The following ANKFN1 variants were observed in gnomAD, a reference collection of about 807,000 sequenced individuals.
ANKFN1 encodes the protein ankyrin repeat and fibronectin type-III domain-containing protein 1.
Under a neutral mutation model 108.7 loss-of-function variants are expected in ANKFN1, and 74 were observed. That is an observed-to-expected ratio of 0.68 (90% CI 0.56 to 0.83). The LOEUF (loss-of-function observed/expected upper bound fraction) is 0.83, where lower values mean the gene tolerates loss of function less well. ANKFN1 is among the 40% of genes least tolerant of loss of function. ANKFN1 has a pLI of 0.00. For missense variants in ANKFN1, 1,505 were observed against 1,382.3 expected, an observed-to-expected ratio of 1.09 and a Z score of -1.41; for synonymous variants, 547 against 516.2, an observed-to-expected ratio of 1.06 and a Z score of -0.81.
intron 4 of ANKFN1, among the ~76,000 whole-genome samples, chr17:56,137,565 C>T (rs926543485): frequency 3.9e-5 from 6 of 152,022 alleles, no homozygotes; most frequent in Admixed American, 3.9e-4. Flanking sequence ...GGGATATTGC[C>T]TATCAAGGGT....
At chr17:56,284,561 T>A (rs569690580) in intron 3 of ANKFN1, among the ~76,000 whole-genome samples, 1 of 152,288 alleles carries the variant, frequency 6.6e-6, no homozygotes, top group Non-Finnish European at 1.5e-5. Context: ...AAACAATATG[T>A]GATGGAAACC....
At chr17:56,155,784 T>C (rs575945125) in intron 1 of ANKFN1, among the ~76,000 whole-genome samples, 74 of 152,288 alleles carry the variant, frequency 4.9e-4, no homozygotes, top group African/African-American at 1.7e-3. Context: ...TAGGTCATGA[T>C]AGGGACCAAT....
upstream of ANKFN1, among the ~76,000 whole-genome samples, chr17:56,151,436 G>A (rs1214466375): frequency 4.6e-5 from 7 of 152,164 alleles, no homozygotes; most frequent in African/African-American, 1.7e-4. Flanking sequence ...TTTTTTGGTA[G>A]TAGGTTTTGT....
intron 4 of ANKFN1, among the ~76,000 whole-genome samples, chr17:56,081,391 TG>T (rs553911788): frequency 5.3e-5 from 8 of 152,212 alleles, no homozygotes; most frequent in African/African-American, 1.9e-4. Context: ...CTGACTTTGT[TG>T]CCCAGGCTGG....
At chr17:56,356,525 T>C (rs992161458) in intron 6 of ANKFN1, among the ~76,000 whole-genome samples, 3 of 152,014 alleles carry the variant, frequency 2.0e-5, no homozygotes. Context: ...TATCAGAAAA[T>C]TTCTTACTAT....
At chr17:56,342,219 T>C (rs1352286024) in intron 4 of ANKFN1, among the ~76,000 whole-genome samples, 2 of 127,016 alleles carry the variant, frequency 1.6e-5, no homozygotes, top group African/African-American at 2.7e-5. Context: ...TTCTAGCTAA[T>C]GGTTTATCTT....
intron 8 of ANKFN1, among the ~76,000 whole-genome samples, chr17:56,423,358 T>G (rs1240754167): frequency 1.3e-5 from 2 of 152,190 alleles, no homozygotes; most frequent in African/African-American, 4.8e-5. Flanking sequence ...TGAAACAGTA[T>G]GAGAAGCAGC....
chr17:56,223,156 A>G (rs1598266462), intron 2 of ANKFN1, among the ~76,000 whole-genome samples: 1 of 152,322 alleles, frequency 6.6e-6, no homozygotes, highest in Non-Finnish European at 1.5e-5. Context: ...CATGACATAC[A>G]TATCTATGGA....
At chr17:56,126,267 G>C (rs1906921464) in intron 4 of ANKFN1, among the ~76,000 whole-genome samples, 1 of 148,370 alleles carries the variant, frequency 6.7e-6, no homozygotes, top group Non-Finnish European at 1.5e-5. Flanking sequence ...GAGATTTTTG[G>C]TCATTGAACA....
intron 20 of ANKFN1, among the ~76,000 whole-genome samples, chr17:56,499,921 G>C (rs1465747502): frequency 3.3e-5 from 5 of 152,148 alleles, no homozygotes; most frequent in Middle Eastern, 3.2e-3. Flanking sequence ...GTTTGCAAGA[G>C]CTCCAATTTT....
intron 3 of ANKFN1, among the ~76,000 whole-genome samples, chr17:56,311,786 G>C (rs2045034543): frequency 6.6e-6 from 1 of 152,172 alleles, no homozygotes; most frequent in African/African-American, 2.4e-5. Flanking sequence ...TTTGTATTTA[G>C]ACTTGGGTGA....
chr17:56,287,625 GATA>G (rs2055383649), intron 3 of ANKFN1, among the ~76,000 whole-genome samples: 1 of 152,144 alleles, frequency 6.6e-6, no homozygotes, highest in Admixed American at 6.6e-5. Context: ...ACAAACAAAA[GATA>G]TTCTGCATCT....
In ANKFN1 at chr17:56,428,619, C is replaced by T. The variant is rs570431104; in HGVS notation, c.911-11708C>T. Among the ~76,000 whole-genome samples, 41 of 152,114 alleles carry T rather than the reference C, an allele frequency of 2.7e-4. 1 individual carries two copies. The South Asian group carries it at 6.2e-3, about 23-fold the overall frequency. On this transcript the variant is annotated intron_variant, in intron 8 of 20. Coordinates refer to ENST00000682825, the MANE Select transcript of ANKFN1 (RefSeq NM_001370326.1). Reference sequence around the variant, plus strand: ...CTGAGACTACAGGTGCCTGCCACCACGCTTGGCTAATTTTTGTATTTTTAG... The same window carrying T: ...CTGAGACTACAGGTGCCTGCCACCATGCTTGGCTAATTTTTGTATTTTTAG...
intron 15 of ANKFN1, among the ~76,000 whole-genome samples, chr17:56,467,804 A>AAG (rs1491238122): frequency 7.7e-5 from 2 of 25,924 alleles, no homozygotes; most frequent in African/African-American, 3.7e-4. Flanking sequence ...GAAAGAAAGA[A>AAG]AGAAAGAAAG....
chr17:56,479,442 T>G (rs11653462), intron 16 of ANKFN1, among the ~76,000 whole-genome samples: 101,180 of 152,120 alleles, frequency 0.67, 35,329 homozygotes, highest in East Asian at 0.97. Flanking sequence ...GGTTCTCAAA[T>G]ATTTCAATTA....
intron 3 of ANKFN1, among the ~76,000 whole-genome samples, chr17:56,270,980 A>C (rs531321137): frequency 2.0e-5 from 3 of 151,942 alleles, no homozygotes; most frequent in Non-Finnish European, 2.9e-5. Context: ...AAATTATTTT[A>C]ATTGTGCCAT....
Position 56,205,579 on chromosome 17 carries a change from T to G in ANKFN1, c.-70-7019T>G, listed in dbSNP as rs1345452088. ...TTTGAATTCATTTGACAATGTGTAT[T>G]TTTGGCAGTGTGTTTATATTCCTCA... On this transcript the variant is annotated intron_variant, in intron 1 of 20. Transcript: ENST00000682825. Among the ~76,000 whole-genome samples the G allele has an allele frequency of 2.0e-5, 3 of 152,326 alleles. No homozygotes were observed. In the East Asian group the frequency reaches 5.8e-4, roughly 29 times the overall value.
intron 3 of ANKFN1, among the ~76,000 whole-genome samples, chr17:56,278,518 T>C (rs2043991781): frequency 6.6e-6 from 1 of 152,236 alleles, no homozygotes; most frequent in African/African-American, 2.4e-5. Flanking sequence ...CTTTCTTCAT[T>C]TGACCCCAGT....
chr17:56,049,890 C>A (rs928026079), intron 4 of ANKFN1, among the ~76,000 whole-genome samples: 1 of 151,316 alleles, frequency 6.6e-6, no homozygotes, highest in Non-Finnish European at 1.5e-5. Context: ...GATTTATAGT[C>A]CTTTGGGTAT....
Sources: gnomAD v4.1 joint callset for allele counts (sites outside exome capture counted in the v4.1 genomes callset) on GRCh38, gnomAD v4.1.1 for gene constraint, MANE v1.5 for transcripts, NCBI Gene and HGNC (gene_info 2026-07-23, HGNC 2026-07-21) for gene names.